The following PLEKHA6 variants were observed in gnomAD, a reference collection of about 807,000 sequenced individuals.
PLEKHA6 encodes pleckstrin homology domain-containing family A member 6.
PLEKHA6 carries 60 observed loss-of-function variants against 116.7 expected under a neutral mutation model. The observed-to-expected ratio is 0.51, with a 90% CI of 0.42 to 0.64. The LOEUF is 0.64. PLEKHA6 is among the 30% of genes least tolerant of loss of function. PLEKHA6 has a pLI of 0.00. For synonymous variants in PLEKHA6, 489 were observed against 556.1 expected (o/e 0.88, Z 1.70); for missense variants, 1,338 against 1,422.7 (o/e 0.94, Z 0.96).
intron 1 of PLEKHA6, among the ~76,000 whole-genome samples, chr1:204,350,312 C>T (rs570368326): frequency 2.6e-5 from 4 of 152,314 alleles, no homozygotes; most frequent in African/African-American, 7.2e-5. Flanking sequence ...CAGAGTAAGA[C>T]CGTGTCTCAA....
At chr1:204,335,803 G>A (rs965865171) in intron 1 of PLEKHA6, among the ~76,000 whole-genome samples, 1 of 152,108 alleles carries the variant, frequency 6.6e-6, no homozygotes, top group South Asian at 2.1e-4. Context: ...CAGTGTCCAT[G>A]TGGCATGGGC....
intron 1 of PLEKHA6, among the ~76,000 whole-genome samples, chr1:204,276,345 C>T (rs1423116191): frequency 6.6e-6 from 1 of 152,136 alleles, no homozygotes; most frequent in East Asian, 1.9e-4. Flanking sequence ...AAACTTTATT[C>T]CCACCTCCCT....
intron 3 of PLEKHA6, among the ~76,000 whole-genome samples, chr1:204,270,899 G>C (rs1455409124): frequency 6.6e-6 from 1 of 152,098 alleles, no homozygotes; most frequent in African/African-American, 2.4e-5. Flanking sequence ...TGTGCTCCCT[G>C]GCATTGGGGG....
intron 1 of PLEKHA6, among the ~76,000 whole-genome samples, chr1:204,300,434 C>T (rs746740034): frequency 7.2e-5 from 11 of 152,350 alleles, no homozygotes; most frequent in Admixed American, 3.3e-4. Context: ...AACTTGACCC[C>T]ATTTGTTCTT....
At chr1:204,299,639 G>T (rs1300062006) in intron 1 of PLEKHA6, 1 of 985,090 alleles carries the variant, frequency 1.0e-6, no homozygotes, top group Admixed American at 6.1e-5. Context: ...ACTTTCCAAA[G>T]CAACGTGGGT....
At chr1:204,287,294 C>G (rs1187297265) in intron 1 of PLEKHA6, among the ~76,000 whole-genome samples, 2 of 150,644 alleles carry the variant, frequency 1.3e-5, no homozygotes, top group Non-Finnish European at 2.9e-5. Context: ...GAGATAGCAT[C>G]AGCTGAGAAA....
At chr1:204,309,023 A>G in intron 1 of PLEKHA6, 1 of 936,290 alleles carries the variant, frequency 1.1e-6, no homozygotes. Context: ...TGTAGTATTT[A>G]CTGTTCCTCC....
intron 8 of PLEKHA6, among the ~76,000 whole-genome samples, chr1:204,258,925 G>A (rs1665719676): frequency 6.6e-6 from 1 of 152,206 alleles, no homozygotes; most frequent in South Asian, 2.1e-4. Context: ...TTGGATGGAT[G>A]TATGACTATA....
In PLEKHA6 at chr1:204,273,631, C is replaced by A. The variant is rs771460879; in HGVS notation, c.97G>T (p.Val33Phe). The A allele has an allele frequency of 1.9e-6, 3 of 1,612,394 alleles. No individual in the cohort carries two copies. Among genetic ancestry groups the A allele is most frequent in the Non-Finnish European group, 1.7e-6 (2 of 1,178,516 alleles). The part of the protein sequence containing the change: ...VSEVPPERPS[V>F]RATRTARKAV... ...GCCTTGAGGGCTGGACTTACCCGGA[C>A]GCTGGGCCGCTCTGGAGGGACCTCG... The change falls in exon 3 of 23, where the codon GTC becomes TTC. Residue 33 changes from valine to phenylalanine, a missense_variant. By Grantham distance (50) the Val-to-Phe change is conservative. This residue lies in a region of PLEKHA6 where 62 missense variants were observed against 61.7 expected (regional missense o/e 1.01). Coordinates refer to ENST00000272203, the MANE Select transcript of PLEKHA6 (RefSeq NM_014935.5).
intron 1 of PLEKHA6, 131 bp from the exon 2 acceptor site, chr1:204,274,940 G>A: frequency 1.0e-6 from 1 of 966,924 alleles, no homozygotes; most frequent in Non-Finnish European, 1.2e-6. Context: ...TGTCCTCCAG[G>A]GGGATCCATG....
Position 204,375,630 on chromosome 1 carries a change from G to A in PLEKHA6, c.83+1953C>T, listed in dbSNP as rs372207960. On this transcript the variant is annotated intron_variant, in intron 1 of 4. Transcript: ENST00000564627. ...GCCTCTCGCTCAGCCTCAAATCATC[G>A]CTCAGGAAGCTGCCAGAGACAAGGC... is the stretch of plus-strand genomic sequence containing the variant. Among the ~76,000 whole-genome samples the A allele has an allele frequency of 1.6e-4, 25 of 151,974 alleles. No individual in the cohort carries two copies. The East Asian group carries it at 3.3e-3, about 20-fold the overall frequency.
chr1:204,308,231 G>A (rs774025711), intron 1 of PLEKHA6, among the ~76,000 whole-genome samples: 7 of 152,172 alleles, frequency 4.6e-5, no homozygotes, highest in Non-Finnish European at 1.0e-4. Flanking sequence ...AGCCCGATTC[G>A]GCATCTTGGA....
At chr1:204,357,776 G>A (rs1204070975) in intron 1 of PLEKHA6, among the ~76,000 whole-genome samples, 4 of 152,344 alleles carry the variant, frequency 2.6e-5, no homozygotes, top group South Asian at 4.1e-4. Context: ...CTGCTGTTGC[G>A]GCTTCTTCAC....
chr1:204,224,716 G>A (rs536804883), intron 21 of PLEKHA6, among the ~76,000 whole-genome samples: 8 of 152,322 alleles, frequency 5.3e-5, no homozygotes, highest in African/African-American at 9.6e-5. Context: ...TCACATAAGC[G>A]TATTTGTGTA....
At chr1:204,328,399 CTTT>C (rs796534954) in intron 1 of PLEKHA6, among the ~76,000 whole-genome samples, 1 of 125,856 alleles carries the variant, frequency 7.9e-6, no homozygotes, top group Non-Finnish European at 1.7e-5. Flanking sequence ...AATTTTCTTT[CTTT>C]TTTTTTTTTT....
chr1:204,263,213 C>T (rs946112707), intron 6 of PLEKHA6, among the ~76,000 whole-genome samples: 14 of 152,200 alleles, frequency 9.2e-5, no homozygotes, highest in African/African-American at 3.4e-4. Context: ...TGGGAAAAGA[C>T]AGGGCCATTG....
chr1:204,268,134 TA>T, intron 4 of PLEKHA6, 73 bp downstream of exon 4: 1 of 932,016 alleles, frequency 1.1e-6, no homozygotes, highest in Non-Finnish European at 1.6e-6. Context: ...CAGCCTGTCA[TA>T]AGCACAGAGG....
intron 1 of PLEKHA6, chr1:204,281,127 C>A: frequency 4.5e-6 from 1 of 220,534 alleles, no homozygotes; most frequent in Non-Finnish European, 7.7e-6. Context: ...GTCGAGACTG[C>A]AGTGAACTAT....
At chr1:204,240,402 C>A (rs1220082298) in intron 17 of PLEKHA6, among the ~76,000 whole-genome samples, 1 of 152,212 alleles carries the variant, frequency 6.6e-6, no homozygotes, top group African/African-American at 2.4e-5. Flanking sequence ...GCTATGACCA[C>A]GTGACCAGCT....
Sources: allele counts gnomAD v4.1 joint callset (sites outside exome capture counted in the v4.1 genomes callset), GRCh38; gene constraint gnomAD v4.1.1; regional missense constraint gnomAD v4.1.1; transcripts MANE v1.5; gene names NCBI Gene and HGNC (gene_info 2026-07-23, HGNC 2026-07-21).